The following ASH1L variants were observed in gnomAD, a reference collection of about 807,000 sequenced individuals.
The protein encoded by ASH1L is histone-lysine N-methyltransferase ASH1L.
Under a neutral mutation model 269.0 loss-of-function variants are expected in ASH1L, and 23 were observed. That is an observed-to-expected ratio of 0.09 (90% CI 0.06 to 0.12). The LOEUF is 0.12. Among genes scored for constraint, ASH1L ranks in the 10% least tolerant of loss-of-function variants. The pLI, the probability that ASH1L is intolerant of heterozygous loss-of-function variation, is 1.00. For synonymous variants in ASH1L, 1,187 were observed against 1,253.5 expected, an observed-to-expected ratio of 0.95 and a Z score of 1.12; for missense variants, 2,912 against 3,567.8, an observed-to-expected ratio of 0.82 and a Z score of 4.68.
At position 155,562,181 on chromosome 1, in the gene ASH1L, A is replaced by G. The variant is rs1407375406; in HGVS notation, c.-128T>C. 3.7e-6 allele frequency: 6 copies of G among 1,601,766 alleles called. No homozygotes were observed. The African/African-American group carries it at 6.7e-5, about 18-fold the overall frequency. On this transcript the variant is annotated 5_prime_UTR_variant, in exon 1 of 28. Transcript: ENST00000392403. ...GTCGGAGGCCGAGGCCGAGGCCGAG[A>G]GCGATGAGAGTGCAGGGAAGTGGGG...
In ASH1L at chr1:155,478,598, A is replaced by C. The variant is rs1376005956; in HGVS notation, c.4272T>G (p.Pro1424=). 1 of 1,614,058 alleles carries C rather than the reference A, an allele frequency of 6.2e-7. No individual in the cohort carries two copies. Among genetic ancestry groups the C allele is most frequent in the Admixed American group, 1.7e-5 (1 of 60,006 alleles). The change falls in exon 3 of 28, where the codon CCT becomes CCG. Residue 1424 remains proline, a synonymous_variant. Transcript: ENST00000392403. This position sits in a 1 kb window ranked among gnomAD's most constrained non-coding sequence, Gnocchi z 4.6. Reference sequence around the variant, plus strand: ...GTAAATGACCAGCATGCATATAGGAAGGAGGTGGAAGTGGCGTGGTGAAAG... The same window carrying C: ...GTAAATGACCAGCATGCATATAGGACGGAGGTGGAAGTGGCGTGGTGAAAG... ...SPSFTTPLPP[P]SYMHAGHLLL... is the part of the protein sequence containing the mutation.
chr1:155,419,661 G>C (rs1660510793), intron 5 of ASH1L, among the ~76,000 whole-genome samples: 1 of 152,140 alleles, frequency 6.6e-6, no homozygotes, highest in South Asian at 2.1e-4. Flanking sequence ...GACCAGGCAG[G>C]AAGTTTCCCA....
At chr1:155,556,272 C>A (rs1374668724) in intron 1 of ASH1L, among the ~76,000 whole-genome samples, 1 of 152,038 alleles carries the variant, frequency 6.6e-6, no homozygotes, top group East Asian at 1.9e-4. Flanking sequence ...GTGGCACATA[C>A]CTGTGGTCCC....
chr1:155,357,131 CTT>C (rs749796515), intron 15 of ASH1L, among the ~76,000 whole-genome samples, 183 bp downstream of exon 15: 35 of 54,388 alleles, frequency 6.4e-4, no homozygotes, highest in South Asian at 7.4e-4. Flanking sequence ...AAGGGTAAGA[CTT>C]AAAAAAAAAA....
chr1:155,449,586 C>G (rs2148651849), intron 4 of ASH1L, among the ~76,000 whole-genome samples: 1 of 149,972 alleles, frequency 6.7e-6, no homozygotes, highest in East Asian at 2.0e-4. Flanking sequence ...GTGGCACGAT[C>G]TCGGCTCACT....
At position 155,378,263 on chromosome 1, in the gene ASH1L, A is replaced by T. The variant is rs767972790; in HGVS notation, c.6332+18T>A. The T allele has an allele frequency of 6.3e-7, 1 of 1,584,868 alleles. No homozygotes were observed. The highest frequency in any genetic ancestry group is 8.7e-7 in the Non-Finnish European group (1 of 1,153,388). ...ACCTTAAAGCCTATGCTTTAGAGAA[A>T]TCAAAGCATGACAGTACCTATTGAG... On this transcript the variant is annotated intron_variant, in intron 10 of 27. Transcript: ENST00000392403.
intron 5 of ASH1L, among the ~76,000 whole-genome samples, chr1:155,421,970 C>G (rs1182227705): frequency 6.6e-6 from 1 of 152,146 alleles, no homozygotes; most frequent in Non-Finnish European, 1.5e-5. Context: ...ACATCTTTTT[C>G]ATCCTCCCAG....
Position 155,480,649 on chromosome 1 carries a change from G to A in ASH1L, c.2221C>T (p.Leu741Phe). ...PKGLELERSE[L>F]FKNVSCSSLS... ...GAGCTACATGAAACGTTTTTAAAAA[G>A]CTCTGATCTTTCTAATTCTAGCCCT... The change falls in exon 3 of 28, where the codon CTT becomes TTT. Residue 741 changes from leucine to phenylalanine, a missense_variant. Leu to Phe is a conservative substitution (Grantham distance 22). Coordinates refer to ENST00000392403, the MANE Select transcript of ASH1L (RefSeq NM_018489.3). 1 of 1,614,012 alleles carries A rather than the reference G, an allele frequency of 6.2e-7. No individual in the cohort carries two copies. Among genetic ancestry groups the A allele is most frequent in the Non-Finnish European group, 8.5e-7 (1 of 1,179,970 alleles).
Position 155,337,722 on chromosome 1 carries a change from C to T in ASH1L, c.8833G>A (p.Gly2945Arg). ...CGCCTTCGCAGTTTCCTGCCTGATC[C>T]TTCCTCCAGCAAGTAGGTCACATCA... ...AIDVTYLLEE[G>R]SGRKLRRRTL... Residue 2945 changes from glycine to arginine, a missense_variant, in exon 28 of 28, where the codon GGA becomes AGA. This residue lies in a region of ASH1L where 154 missense variants were observed against 165.0 expected (regional missense o/e 0.93). Coordinates refer to ENST00000392403, the MANE Select transcript of ASH1L (RefSeq NM_018489.3). 1 of 1,614,062 alleles carries T rather than the reference C, an allele frequency of 6.2e-7. No individual in the cohort carries two copies. The highest frequency in any genetic ancestry group is 8.5e-7 in the Non-Finnish European group (1 of 1,179,928).
Position 155,394,763 on chromosome 1 carries a change from C to T in ASH1L, c.6103+696G>A, listed in dbSNP as rs182468846. ...ATGAACAGTAGAATAAATATCACTC[C>T]ACTTTCAAGCAGATAAATACTCAGT... On this transcript the variant is annotated intron_variant, in intron 7 of 27. Transcript: ENST00000392403. Among the ~76,000 whole-genome samples, 98 of 152,216 alleles carry T rather than the reference C, an allele frequency of 6.4e-4. 2 individuals carry two copies. In the East Asian group the frequency reaches 0.017, roughly 26 times the overall value.
intron 1 of ASH1L, among the ~76,000 whole-genome samples, chr1:155,534,003 G>C (rs1669872977): frequency 6.6e-6 from 1 of 151,594 alleles, no homozygotes; most frequent in Admixed American, 6.6e-5. Context: ...ATGGTCCTTG[G>C]TCTCATGAAC....
intron 6 of ASH1L, among the ~76,000 whole-genome samples, chr1:155,400,506 A>G (rs550395676): frequency 1.3e-5 from 2 of 152,324 alleles, no homozygotes; most frequent in Non-Finnish European, 2.9e-5. Flanking sequence ...ACTATTTATC[A>G]TTGCCATTTT....
At chr1:155,458,431 T>C (rs1238196814) in intron 4 of ASH1L, among the ~76,000 whole-genome samples, 1 of 152,164 alleles carries the variant, frequency 6.6e-6, no homozygotes, top group Non-Finnish European at 1.5e-5. Context: ...AAAACCATCT[T>C]TGGCTGGGTG....
At chr1:155,395,048 C>A (rs2148483078) in intron 7 of ASH1L, among the ~76,000 whole-genome samples, 1 of 152,274 alleles carries the variant, frequency 6.6e-6, no homozygotes, top group East Asian at 1.9e-4. Context: ...GTGATCCTCT[C>A]ACCTCAGCCT....
chr1:155,427,892 G>A (rs889572916), intron 5 of ASH1L, among the ~76,000 whole-genome samples: 1 of 152,148 alleles, frequency 6.6e-6, no homozygotes, highest in Non-Finnish European at 1.5e-5. Flanking sequence ...CGTTGCCATA[G>A]TGAGTGAGTT....
rs4971053 is a variant in ASH1L at position 155,438,844 on chromosome 1, T to C, written c.5311A>G (p.Thr1771Ala). The change falls in exon 5 of 28, where the codon ACA (threonine) becomes GCA (alanine). Residue 1771 changes from threonine (T) to alanine (A), a missense_variant. Around this residue, in one of 13 missense-constraint regions of ASH1L, gnomAD observed 789 missense variants for 897.6 expected, o/e 0.88. Coordinates refer to ENST00000392403, the MANE Select transcript of ASH1L (RefSeq NM_018489.3). ...KPDSLLVPAV[T>A]SDSCNNSISL... ...ATGCTATTATTGCAAGAGTCACTTG[T>C]GACTGCAGGCACTAAAAGGCTGTCT... 1,601,805 of 1,614,120 alleles carry C rather than the reference T, an allele frequency of 0.99. 795,615 individuals carry two copies. Among genetic ancestry groups the C allele is most frequent in the East Asian group, 1 (44,871 of 44,874 alleles).
chr1:155,512,293 T>G (rs923145607), intron 2 of ASH1L, among the ~76,000 whole-genome samples: 2 of 151,618 alleles, frequency 1.3e-5, no homozygotes, highest in African/African-American at 4.8e-5. Flanking sequence ...GGCATGCACC[T>G]GTAATCCCAG....
Position 155,477,975 on chromosome 1 carries a change from C to G in ASH1L, c.4895G>C (p.Gly1632Ala). 3 of 1,614,214 alleles carry G rather than the reference C, an allele frequency of 1.9e-6. No individual in the cohort carries two copies. In the South Asian group the frequency reaches 3.3e-5, roughly 18 times the overall value. ...SGRKKLTDSP[G>A]LFSAQDTSLN... ...TGAAGTGTCCTGTGCAGAAAAGAGT[C>G]CAGGGCTGTCAGTTAATTTCTTCCG... is the stretch of plus-strand genomic sequence containing the variant. The change falls in exon 3 of 28, where the codon GGA (glycine) becomes GCA (alanine). Residue 1632 changes from glycine (G) to alanine (A), a missense_variant. Physicochemically the swap from Gly to Ala is moderately conservative, Grantham distance 60 (BLOSUM62 0). Coordinates refer to ENST00000392403, the MANE Select transcript of ASH1L (RefSeq NM_018489.3).
chr1:155,391,190 C>G (rs903547408), intron 7 of ASH1L, among the ~76,000 whole-genome samples: 2 of 152,182 alleles, frequency 1.3e-5, no homozygotes, highest in Non-Finnish European at 2.9e-5. Context: ...AGGTGATCCA[C>G]CTGCCTCAGC....
Sources: allele counts gnomAD v4.1 joint callset (sites outside exome capture counted in the v4.1 genomes callset), GRCh38; gene constraint gnomAD v4.1.1; regional missense constraint gnomAD v4.1.1; non-coding constraint Gnocchi (gnomAD v3.1); transcripts MANE v1.5; gene names NCBI Gene and HGNC (gene_info 2026-07-23, HGNC 2026-07-21).